Variants in HTR2C observed in about 807,000 individuals in gnomAD.
HTR2C encodes the protein 5-hydroxytryptamine (serotonin) receptor 2C, G protein-coupled.
A neutral mutation model predicts 21.0 loss-of-function variants in HTR2C; 5 were observed. That is an observed-to-expected ratio of 0.24 (90% CI 0.12 to 0.50). HTR2C has a LOEUF of 0.50. HTR2C is among the 20% of genes least tolerant of loss of function. The probability of loss-of-function intolerance (pLI) is 0.98; values close to 1 mark genes in which losing one functional copy is unlikely to be tolerated. For synonymous variants in HTR2C, 150 were observed against 145.3 expected, an observed-to-expected ratio of 1.03 and a Z score of -0.23; for missense variants, 271 against 371.2, an observed-to-expected ratio of 0.73 and a Z score of 2.22.
chrX:114,745,143 A>G (rs1462730610), intron 4 of HTR2C, among the ~76,000 whole-genome samples: 2 of 112,415 alleles, frequency 1.8e-5, no homozygotes, highest in African/African-American at 6.5e-5. Flanking sequence ...TAATAATCCA[A>G]TAAAAAATGG....
rs193099115 is a variant in HTR2C at position 114,789,749 on chromosome X, A to C, written c.349+58142A>C. ...CTTATCCAAGGACTCTCATAAACTC[A>C]TGATTCCTCATCTTTAAAATGGGGA... On this transcript the variant is annotated intron_variant, in intron 4 of 5. Transcript: ENST00000276198. Among the ~76,000 whole-genome samples, 525 of 111,383 alleles carry C rather than the reference A, an allele frequency of 4.7e-3. 4 individuals carry two copies. The highest frequency in any genetic ancestry group is 0.016 in the African/African-American group (499 of 30,675).
intron 4 of HTR2C, among the ~76,000 whole-genome samples, chrX:114,832,154 T>C (rs2070735651): frequency 5.4e-5 from 1 of 18,602 alleles, no homozygotes. Flanking sequence ...CTTTGTTCTT[T>C]TGGCTTAGGA....
At chrX:114,806,922 A>G (rs1391220973) in intron 4 of HTR2C, among the ~76,000 whole-genome samples, 1 of 69,888 alleles carries the variant, frequency 1.4e-5, no homozygotes, top group African/African-American at 4.7e-5. Flanking sequence ...TGTATATACC[A>G]TATATATACC....
intron 4 of HTR2C, among the ~76,000 whole-genome samples, chrX:114,751,748 G>A (rs1456095318): frequency 1.8e-5 from 2 of 111,077 alleles, no homozygotes; most frequent in South Asian, 3.8e-4. Context: ...GCTTCAAAAT[G>A]ATTACTCTTG....
chrX:114,761,930 CAT>C (rs1352514630), intron 4 of HTR2C, among the ~76,000 whole-genome samples: 4 of 20,119 alleles, frequency 2.0e-4, no homozygotes, highest in African/African-American at 2.6e-4. Flanking sequence ...TGTATATATA[CAT>C]ATATGTGTAT....
chrX:114,690,986 A>G (rs1932090366), intron 2 of HTR2C, among the ~76,000 whole-genome samples: 1 of 110,972 alleles, frequency 9.0e-6, no homozygotes, highest in African/African-American at 3.3e-5. Context: ...CATCACAATC[A>G]TATTGATTAT....
intron 2 of HTR2C, among the ~76,000 whole-genome samples, chrX:114,672,162 G>C (rs1458885558): frequency 2.7e-5 from 3 of 111,827 alleles, no homozygotes; most frequent in African/African-American, 9.7e-5. Flanking sequence ...GAGTAACTTG[G>C]ACTATAAAAT....
intron 5 of HTR2C, among the ~76,000 whole-genome samples, chrX:114,874,634 G>A (rs1026699838): frequency 2.7e-5 from 3 of 109,658 alleles, no homozygotes; most frequent in Non-Finnish European, 5.7e-5. Context: ...TTAGCCTCCC[G>A]AGTAGCTGGG....
At chrX:114,615,795 C>G (rs1179804253) in intron 2 of HTR2C, among the ~76,000 whole-genome samples, 1 of 111,733 alleles carries the variant, frequency 8.9e-6, no homozygotes, top group East Asian at 2.8e-4. Flanking sequence ...CCTGTGCACC[C>G]CTCTTTGTAC....
At chrX:114,906,351 T>C (rs1335169962) in intron 5 of HTR2C, among the ~76,000 whole-genome samples, 1 of 111,425 alleles carries the variant, frequency 9.0e-6, no homozygotes, top group Non-Finnish European at 1.9e-5. Context: ...TCAATAAGGG[T>C]AATTCCATGC....
At chrX:114,621,070 G>A (rs1472371556) in intron 2 of HTR2C, among the ~76,000 whole-genome samples, 1 of 111,447 alleles carries the variant, frequency 9.0e-6, no homozygotes, top group Non-Finnish European at 1.9e-5. Flanking sequence ...TAGTAGAGAC[G>A]AGGTTTCACC....
intron 5 of HTR2C, among the ~76,000 whole-genome samples, chrX:114,885,698 G>A (rs2071215046): frequency 9.0e-6 from 1 of 110,737 alleles, no homozygotes; most frequent in Non-Finnish European, 1.9e-5. Flanking sequence ...ACTCATTTAG[G>A]TTATTACTGT....
rs1240828705 is a variant in HTR2C, at chrX:114,701,288, A to G, written c.-79-25570A>G. Among the ~76,000 whole-genome samples, 103 of 111,985 alleles carry G rather than the reference A, an allele frequency of 9.2e-4. 1 individual carries two copies. Among genetic ancestry groups the G allele is most frequent in the Non-Finnish European group, 1.7e-3 (88 of 53,154 alleles). On this transcript the variant is annotated intron_variant, in intron 2 of 5. Coordinates refer to ENST00000276198, the MANE Select transcript of HTR2C (RefSeq NM_000868.4). ...TGGGTCCCTGACACCTGACCCCCGA[A>G]CAGCCTAACTGGGAGGCACCCCCAA...
At chrX:114,737,229 C>CTTTTTTT (rs200101973) in intron 4 of HTR2C, among the ~76,000 whole-genome samples, 2 of 97,290 alleles carry the variant, frequency 2.1e-5, no homozygotes, top group African/African-American at 7.7e-5. Context: ...CTTTTCTTTT[C>CTTTTTTT]TTTTTTTTTT....
chrX:114,893,149 A>T (rs892988323), intron 5 of HTR2C, among the ~76,000 whole-genome samples: 18 of 110,058 alleles, frequency 1.6e-4, no homozygotes, highest in Non-Finnish European at 2.1e-4. Flanking sequence ...TCCTGACCTC[A>T]GGTGATCCAC....
At chrX:114,856,638 T>C (rs2070964859) in intron 5 of HTR2C, among the ~76,000 whole-genome samples, 1 of 111,441 alleles carries the variant, frequency 9.0e-6, no homozygotes. Context: ...TATATCAGTA[T>C]GCAGAAGATG....
At chrX:114,722,569 G>C (rs782690082) in intron 2 of HTR2C, among the ~76,000 whole-genome samples, 17 of 109,858 alleles carry the variant, frequency 1.5e-4, no homozygotes, top group South Asian at 8.0e-4. Flanking sequence ...GGAGTGGTGA[G>C]AGAGGGCATC....
chrX:114,610,220 G>C (rs782261464), intron 1 of HTR2C, among the ~76,000 whole-genome samples: 1 of 111,132 alleles, frequency 9.0e-6, no homozygotes, highest in East Asian at 2.8e-4. Flanking sequence ...ATCCTGCTCA[G>C]GACTGACTAC....
intron 1 of HTR2C, among the ~76,000 whole-genome samples, chrX:114,599,127 C>T (rs1467312884): frequency 2.7e-5 from 3 of 111,247 alleles, no homozygotes; most frequent in African/African-American, 6.5e-5. Context: ...ACAGGAAGTA[C>T]ATTTGCATTT....
Sources: gnomAD v4.1 joint callset for allele counts (sites outside exome capture counted in the v4.1 genomes callset) on GRCh38, gnomAD v4.1.1 for gene constraint, MANE v1.5 for transcripts, NCBI Gene and HGNC (gene_info 2026-07-23, HGNC 2026-07-21) for gene names.